Variants in NDUFAF7 observed in about 807,000 individuals in gnomAD.
NDUFAF7 encodes NADH:ubiquinone oxidoreductase complex assembly factor 7, also known as protein arginine methyltransferase NDUFAF7, mitochondrial.
NDUFAF7 carries 48 observed loss-of-function variants against 47.2 expected under a neutral mutation model. That is an observed-to-expected ratio of 1.02 (90% CI 0.81 to 1.29). The LOEUF (loss-of-function observed/expected upper bound fraction) is 1.29, where lower values mean the gene tolerates loss of function less well. Ranked by LOEUF, NDUFAF7 falls within the 50% of genes most tolerant of loss-of-function variation. The pLI is 0.00. For missense variants in NDUFAF7, 635 were observed against 537.6 expected (o/e 1.18, Z -1.79); for synonymous variants, 217 against 190.0 (o/e 1.14, Z -1.17).
intron 5 of NDUFAF7, chr2:37,242,428 T>C (rs549190330): frequency 1.0e-4 from 47 of 451,222 alleles, no homozygotes; most frequent in African/African-American, 9.3e-4. Flanking sequence ...ATTTCAGGTA[T>C]TTCCATTTTC....
chr2:37,246,564 TACTG>T (rs1666927306), intron 8 of NDUFAF7, among the ~76,000 whole-genome samples: 1 of 152,212 alleles, frequency 6.6e-6, no homozygotes, highest in Non-Finnish European at 1.5e-5. Context: ...TTAAACTACC[TACTG>T]TAATCATTCT....
At chr2:37,260,435 T>C in the NDUFAF7 span, 2 of 1,485,512 alleles carry the variant, frequency 1.3e-6, no homozygotes, top group South Asian at 2.3e-5. Context: ...GAAACAGTTT[T>C]ACTAATATCT....
chr2:37,268,330 A>G, the NDUFAF7 span: 1 of 471,152 alleles, frequency 2.1e-6, no homozygotes, highest in South Asian at 1.5e-5. Flanking sequence ...CTCTGATGAC[A>G]GGAAGTCCTC....
At chr2:37,237,498 C>T (rs951112334) in intron 3 of NDUFAF7, among the ~76,000 whole-genome samples, 3 of 152,094 alleles carry the variant, frequency 2.0e-5, no homozygotes, top group Admixed American at 2.0e-4. Flanking sequence ...CTAGTGATAT[C>T]CTCTTATCTA....
chr2:37,249,572 C>G (rs199922255), downstream of NDUFAF7, among the ~76,000 whole-genome samples: 9,687 of 124,502 alleles, frequency 0.078, 734 homozygotes, highest in East Asian at 0.52. Flanking sequence ...CACACACACA[C>G]ACACACACAC....
the NDUFAF7 span, among the ~76,000 whole-genome samples, chr2:37,264,451 T>C: frequency 7.2e-6 from 1 of 138,898 alleles, no homozygotes; most frequent in Non-Finnish European, 1.5e-5. Flanking sequence ...GGAAATAAAA[T>C]AGTAAATTAC....
chr2:37,256,444 T>C (rs1341635634), downstream of NDUFAF7, among the ~76,000 whole-genome samples: 1 of 152,160 alleles, frequency 6.6e-6, no homozygotes, highest in East Asian at 1.9e-4. Flanking sequence ...CTGGGGCCTA[T>C]GTAAGTGCTA....
chr2:37,269,443 G>A, the NDUFAF7 span: 5 of 607,690 alleles, frequency 8.2e-6, no homozygotes, highest in East Asian at 5.6e-5. Flanking sequence ...ATGACATTAA[G>A]GGAAGAATAC....
At chr2:37,254,391 G>A, downstream of NDUFAF7, 1 of 839,054 alleles carries the variant, frequency 1.2e-6, no homozygotes, top group Non-Finnish European at 2.0e-6. Flanking sequence ...ATACAGGGTT[G>A]AGGAATTTTT....
chr2:37,268,322 CTGATGACAGGA>C, the NDUFAF7 span: 2 of 470,836 alleles, frequency 4.2e-6, no homozygotes, highest in South Asian at 3.1e-5. Context: ...CTTTGTTCCT[CTGATGACAGGA>C]AGTCCTCCAG....
chr2:37,245,925 A>T, intron 7 of NDUFAF7, 127 bp from the exon 8 acceptor site: 1 of 1,060,918 alleles, frequency 9.4e-7, no homozygotes. Context: ...TGTAGAGAAC[A>T]TACTCATATT....
Position 37,246,074 on chromosome 2 carries a change from T to C in NDUFAF7, c.815T>C (p.Val272Ala), listed in dbSNP as rs769640890. Residue 272 changes from valine (V) to alanine (A), a missense_variant, in exon 8 of 10, where the codon GTT (valine) becomes GCT (alanine). Coordinates refer to ENST00000002125, the MANE Select transcript of NDUFAF7 (RefSeq NM_144736.5). ...FIQHDETRDHVEVCPDAGVII... is the reference protein window; with the variant it reads ...FIQHDETRDHAEVCPDAGVII... ...TAGCATGACGAAACAAGGGATCATG[T>C]TGAAGTGTGTCCTGATGCTGGTGTT... is the stretch of plus-strand genomic sequence containing the variant. The C allele has an allele frequency of 9.9e-6, 16 of 1,613,932 alleles. No homozygotes were observed. Among genetic ancestry groups the C allele is most frequent in the South Asian group, 2.2e-5 (2 of 91,078 alleles).
At chr2:37,252,724 T>C (rs965613706), downstream of NDUFAF7, 1 of 151,974 alleles carries the variant, frequency 6.6e-6, no homozygotes, top group South Asian at 2.1e-4. Flanking sequence ...AGTTACCTCT[T>C]AAATACAAGC....
At chr2:37,262,611 A>G in the NDUFAF7 span, among the ~76,000 whole-genome samples, 5,742 of 152,248 alleles carry the variant, frequency 0.038, 321 homozygotes, top group African/African-American at 0.13. Context: ...TCAGAATATT[A>G]TAACTTTTAT....
the NDUFAF7 span, among the ~76,000 whole-genome samples, chr2:37,266,008 A>C: frequency 6.6e-6 from 1 of 152,184 alleles, no homozygotes; most frequent in Non-Finnish European, 1.5e-5. Context: ...AGGGTTCCAA[A>C]ATTAGATACG....
At chr2:37,249,643 G>GACAGACAGACACACACACACAC (rs1261022368), downstream of NDUFAF7, among the ~76,000 whole-genome samples, 1 of 132,524 alleles carries the variant, frequency 7.5e-6, no homozygotes, top group African/African-American at 3.0e-5. Flanking sequence ...CTGTGATAGA[G>GACAGACAGACACACACACACAC]ACACACACAC....
At chr2:37,256,628 A>ATT (rs56389006), downstream of NDUFAF7, 1,227 of 1,201,336 alleles carry the variant, frequency 1.0e-3, 22 homozygotes, top group Admixed American at 6.9e-3. Context: ...CATAGCCAAA[A>ATT]TTTTTTTTTT....
chr2:37,254,996 T>C (rs1667817273), downstream of NDUFAF7, among the ~76,000 whole-genome samples: 2 of 152,178 alleles, frequency 1.3e-5, no homozygotes, highest in African/African-American at 4.8e-5. Flanking sequence ...TAATGGTACA[T>C]TTGAAATATT....
the NDUFAF7 span, among the ~76,000 whole-genome samples, chr2:37,258,706 C>T: frequency 1.3e-5 from 2 of 152,230 alleles, no homozygotes; most frequent in African/African-American, 4.8e-5. Flanking sequence ...TCACTTTTAA[C>T]CACATAAACA....
Sources: allele counts gnomAD v4.1 joint callset (sites outside exome capture counted in the v4.1 genomes callset), GRCh38; gene constraint gnomAD v4.1.1; transcripts MANE v1.5; gene names NCBI Gene and HGNC (gene_info 2026-07-23, HGNC 2026-07-21).